XIRP2: variants seen among roughly 807,000 people sequenced by gnomAD.
XIRP2 encodes xin actin binding repeat containing 2.
XIRP2 carries 236 observed loss-of-function variants against 277.0 expected under a neutral mutation model. The ratio of observed to expected loss-of-function variants is 0.85; its 90% CI spans 0.77 to 0.95. The LOEUF (loss-of-function observed/expected upper bound fraction) is 0.95, where lower values mean the gene tolerates loss of function less well. Ranked by LOEUF, XIRP2 falls within the 40% of genes least tolerant of loss-of-function variation. XIRP2 has a pLI of 0.00. For synonymous variants in XIRP2, 1,490 were observed against 1,416.5 expected, an observed-to-expected ratio of 1.05 and a Z score of -1.17; for missense variants, 4,640 against 4,157.5, an observed-to-expected ratio of 1.12 and a Z score of -3.19.
At chr2:167,197,075 A>AGCAAACATT (rs1693541676) in intron 3 of XIRP2, among the ~76,000 whole-genome samples, 1 of 152,198 alleles carries the variant, frequency 6.6e-6, no homozygotes, top group South Asian at 2.1e-4. Context: ...TCACTTTCCA[A>AGCAAACATT]GCAAACATTT....
intron 3 of XIRP2, among the ~76,000 whole-genome samples, chr2:167,168,336 TTCTC>T (rs1692583489): frequency 6.6e-6 from 1 of 152,174 alleles, no homozygotes; most frequent in South Asian, 2.1e-4. Flanking sequence ...TTCTGTTTCT[TTCTC>T]TCTATCTTCT....
At chr2:167,009,109 A>G (rs900531902) in intron 2 of XIRP2, among the ~76,000 whole-genome samples, 2 of 151,642 alleles carry the variant, frequency 1.3e-5, no homozygotes, top group East Asian at 3.9e-4. Flanking sequence ...CATGTGCACA[A>G]TGTGCAGGTT....
At chr2:166,931,510 T>C (rs576639722) in intron 2 of XIRP2, among the ~76,000 whole-genome samples, 3 of 152,210 alleles carry the variant, frequency 2.0e-5, no homozygotes, top group Non-Finnish European at 4.4e-5. Context: ...ATTTGAGTCA[T>C]ACAGTATATT....
chr2:167,133,834 G>T (rs1375744843), intron 2 of XIRP2, among the ~76,000 whole-genome samples: 1 of 152,146 alleles, frequency 6.6e-6, no homozygotes, highest in Non-Finnish European at 1.5e-5. Context: ...AGATAAGGAT[G>T]TTATACTCGT....
intron 2 of XIRP2, among the ~76,000 whole-genome samples, chr2:166,970,104 T>C (rs1420988219): frequency 1.3e-5 from 2 of 152,040 alleles, no homozygotes; most frequent in East Asian, 3.9e-4. Flanking sequence ...GTAAAGATAA[T>C]TTATTAGAAA....
rs1296634052 is a variant in XIRP2, at chr2:167,249,325, G to A, written c.7933G>A (p.Val2645Ile). The A allele has an allele frequency of 6.2e-7, 1 of 1,613,760 alleles. No homozygotes were observed. The highest frequency in any genetic ancestry group is 2.2e-5 in the East Asian group (1 of 44,834). ...AGTCGCTGCCAAGAGGCTCCACCAT[G>A]TTTTAGCAGCTTCAGAAGACAAAGA... ...ETVAAKRLHH[V>I]LAASEDKDKM... The change falls in exon 9 of 11, where the codon GTT becomes ATT. Residue 2645 changes from valine (V) to isoleucine (I), a missense_variant. Coordinates refer to ENST00000409195, the MANE Select transcript of XIRP2 (RefSeq NM_152381.6).
At chr2:166,986,142 A>T (rs974482435) in intron 2 of XIRP2, among the ~76,000 whole-genome samples, 3 of 152,212 alleles carry the variant, frequency 2.0e-5, no homozygotes, top group Non-Finnish European at 4.4e-5. Flanking sequence ...CACTTCATAC[A>T]TTTAAACTGA....
chr2:167,227,391 T>C (rs1694635063), intron 5 of XIRP2, among the ~76,000 whole-genome samples: 1 of 152,122 alleles, frequency 6.6e-6, no homozygotes, highest in African/African-American at 2.4e-5. Context: ...AGTTTCTGCA[T>C]ATATATGACA....
intron 2 of XIRP2, among the ~76,000 whole-genome samples, chr2:166,966,315 A>C (rs1281942518): frequency 6.6e-6 from 1 of 151,894 alleles, no homozygotes; most frequent in Non-Finnish European, 1.5e-5. Flanking sequence ...ACTAATGATA[A>C]TTAATTTCTG....
intron 3 of XIRP2, among the ~76,000 whole-genome samples, chr2:167,184,260 T>C (rs1233515174): frequency 1.3e-5 from 2 of 152,164 alleles, no homozygotes; most frequent in Non-Finnish European, 2.9e-5. Flanking sequence ...TTGTTGCACA[T>C]TATTTTAGAG....
intron 2 of XIRP2, among the ~76,000 whole-genome samples, chr2:166,952,020 A>C (rs1686048843): frequency 3.3e-5 from 5 of 152,028 alleles, no homozygotes. Flanking sequence ...CTTCATCTAT[A>C]ACAGGAGGAT....
At chr2:167,189,483 C>T (rs1404772413) in intron 3 of XIRP2, among the ~76,000 whole-genome samples, 1 of 152,090 alleles carries the variant, frequency 6.6e-6, no homozygotes, top group Non-Finnish European at 1.5e-5. Context: ...TGTTTCCCAC[C>T]TCCTCTTATG....
At position 167,244,362 on chromosome 2, in the gene XIRP2, C is replaced by T; in HGVS notation, c.2970C>T (p.Ala990=). The change falls in exon 9 of 11, where the codon GCC becomes GCT. Residue 990 remains alanine, a synonymous_variant. Coordinates refer to ENST00000409195, the MANE Select transcript of XIRP2 (RefSeq NM_152381.6). ...KSLFETTPLY[A]IQDPLGKYHQ... ...TCTTCGAGACAACACCACTGTATGC[C>T]ATTCAAGATCCCCTTGGAAAATATC... 1 of 1,613,532 alleles carries T rather than the reference C, an allele frequency of 6.2e-7. No homozygotes were observed. The highest frequency in any genetic ancestry group is 1.1e-5 in the South Asian group (1 of 90,962).
chr2:167,137,007 C>T (rs745322530), intron 3 of XIRP2, among the ~76,000 whole-genome samples: 4 of 152,186 alleles, frequency 2.6e-5, no homozygotes, highest in Non-Finnish European at 5.9e-5. Flanking sequence ...AACCTTCGGC[C>T]TCACATCAGT....
intron 2 of XIRP2, among the ~76,000 whole-genome samples, chr2:166,921,150 G>GA (rs889443010): frequency 6.6e-6 from 1 of 151,666 alleles, no homozygotes; most frequent in African/African-American, 2.4e-5. Context: ...ATCCCTGAAA[G>GA]AAAAAAAATT....
intron 2 of XIRP2, among the ~76,000 whole-genome samples, chr2:167,089,668 A>G (rs568144178): frequency 1.3e-5 from 2 of 152,108 alleles, no homozygotes; most frequent in Non-Finnish European, 2.9e-5. Flanking sequence ...TTACTTAAGT[A>G]AACATATGTG....
chr2:167,221,979 G>T (rs1418137700), intron 5 of XIRP2, among the ~76,000 whole-genome samples: 1 of 152,118 alleles, frequency 6.6e-6, no homozygotes, highest in Non-Finnish European at 1.5e-5. Flanking sequence ...GCTTCCTAAT[G>T]TACTGAAGTC....
intron 2 of XIRP2, among the ~76,000 whole-genome samples, chr2:167,082,531 A>T (rs1689768771): frequency 6.6e-6 from 1 of 152,108 alleles, no homozygotes; most frequent in Non-Finnish European, 1.5e-5. Flanking sequence ...ACTGACTTCC[A>T]CAATGGTTGA....
At chr2:167,225,603 T>C (rs1281890978) in intron 5 of XIRP2, among the ~76,000 whole-genome samples, 4 of 152,126 alleles carry the variant, frequency 2.6e-5, no homozygotes, top group Admixed American at 6.6e-5. Context: ...TTTCTGCAGA[T>C]AGGCCAGCAA....
Sources: allele counts gnomAD v4.1 joint callset (sites outside exome capture counted in the v4.1 genomes callset), GRCh38; gene constraint gnomAD v4.1.1; transcripts MANE v1.5; gene names NCBI Gene and HGNC (gene_info 2026-07-23, HGNC 2026-07-21).